DOCK7: variants seen among roughly 807,000 people sequenced by gnomAD.
The protein encoded by DOCK7 is dedicator of cytokinesis protein 7.
Under a neutral mutation model 271.0 loss-of-function variants are expected in DOCK7, and 138 were observed. The observed-to-expected ratio is 0.51, with a 90% CI of 0.44 to 0.59. DOCK7 has a LOEUF of 0.59. Among genes scored for constraint, DOCK7 ranks in the 20% least tolerant of loss-of-function variants. DOCK7 has a pLI of 0.00. For synonymous variants in DOCK7, 823 were observed against 876.1 expected (o/e 0.94, Z 1.07); for missense variants, 2,066 against 2,592.4 (o/e 0.80, Z 4.41).
At chr1:62,561,229 T>C (rs1236531078) in intron 19 of DOCK7, among the ~76,000 whole-genome samples, 2 of 152,260 alleles carry the variant, frequency 1.3e-5, no homozygotes, top group South Asian at 2.1e-4. Context: ...TATCAGAACT[T>C]GGTATATTCC....
At chr1:62,630,771 T>C (rs915893220) in intron 11 of DOCK7, among the ~76,000 whole-genome samples, 1 of 151,852 alleles carries the variant, frequency 6.6e-6, no homozygotes, top group Non-Finnish European at 1.5e-5. Flanking sequence ...GTGACTTATA[T>C]GGTATGTGAA....
chr1:62,620,267 A>G (rs1028015923), intron 12 of DOCK7, among the ~76,000 whole-genome samples: 7 of 151,932 alleles, frequency 4.6e-5, no homozygotes, highest in Non-Finnish European at 1.0e-4. Flanking sequence ...GTGAGCCAAG[A>G]TCACATCACT....
chr1:62,667,414 A>G (rs1659440004), intron 1 of DOCK7, among the ~76,000 whole-genome samples: 1 of 152,230 alleles, frequency 6.6e-6, no homozygotes, highest in Admixed American at 6.5e-5. Context: ...AAAATCCCCA[A>G]AAGAAAAGGA....
In DOCK7 at chr1:62,648,552, A is replaced by G; in HGVS notation, c.390-8T>C. 7.9e-7 allele frequency: 1 copy of G among 1,257,922 alleles called. No individual in the cohort carries two copies. The allele number at this position is 1,257,922 out of a possible 1,614,324, so 77.9% of individuals were successfully genotyped here. Reference sequence around the variant, plus strand: ...GTTCCCAATTTATGATATCTATTAAAGAAAAAAAGTTAAATAAATATCAAC... The same window carrying G: ...GTTCCCAATTTATGATATCTATTAAGGAAAAAAAGTTAAATAAATATCAAC... On this transcript the variant is annotated splice_polypyrimidine_tract_variant and splice_region_variant and intron_variant, in intron 4 of 49. Transcript: ENST00000635253.
intron 33 of DOCK7, 120 bp from the exon 34 acceptor site, chr1:62,510,793 G>T: frequency 1.5e-6 from 1 of 689,300 alleles, no homozygotes; most frequent in Non-Finnish European, 2.3e-6. Context: ...TTTATCCTCA[G>T]TACAAGTTGA....
At chr1:62,552,630 C>T (rs1424294557) in intron 22 of DOCK7, 102 bp downstream of exon 22, 7 of 1,174,800 alleles carry the variant, frequency 6.0e-6, no homozygotes, top group Non-Finnish European at 8.2e-6. Flanking sequence ...TAATTCCTAA[C>T]TTACATACAT....
In DOCK7 at chr1:62,607,560, A is replaced by G. The variant is rs376679412; in HGVS notation, c.1682+11146T>C. Among the ~76,000 whole-genome samples, 4 of 152,276 alleles carry G rather than the reference A, an allele frequency of 2.6e-5. No homozygotes were observed. The East Asian group carries it at 7.7e-4, about 29-fold the overall frequency. ...CGTCCCTCTCCCTGTCAATCTTCCG[A>G]AAAGGAATTTGTAATGGCTGCATAC... On this transcript the variant is annotated intron_variant, in intron 14 of 49. Transcript: ENST00000635253.
chr1:62,651,044 C>A (rs1657282485), intron 4 of DOCK7, among the ~76,000 whole-genome samples: 1 of 151,894 alleles, frequency 6.6e-6, no homozygotes. Context: ...TGGAACCAAC[C>A]CAAATGTCCA....
chr1:62,583,160 G>A, intron 16 of DOCK7, 24 bp downstream of exon 16: 1 of 1,586,174 alleles, frequency 6.3e-7, no homozygotes, highest in Middle Eastern at 1.7e-4. Flanking sequence ...GAGTAACTTT[G>A]AAAGAAATAT....
intron 14 of DOCK7, among the ~76,000 whole-genome samples, chr1:62,594,704 CAATA>C (rs2149518456): frequency 6.6e-6 from 1 of 152,156 alleles, no homozygotes; most frequent in South Asian, 2.1e-4. Flanking sequence ...TTCTCTTATT[CAATA>C]AATATTGTTT....
At chr1:62,494,686 A>G in intron 39 of DOCK7, 1 of 379,260 alleles carries the variant, frequency 2.6e-6, no homozygotes, top group Admixed American at 4.5e-5. Flanking sequence ...GAGGGGCAAA[A>G]AAGAAATACG....
intron 7 of DOCK7, among the ~76,000 whole-genome samples, chr1:62,644,867 T>C (rs889496742): frequency 1.3e-5 from 2 of 152,178 alleles, no homozygotes; most frequent in African/African-American, 2.4e-5. Context: ...ATTATTACTT[T>C]AGAATTTTTA....
intron 7 of DOCK7, among the ~76,000 whole-genome samples, chr1:62,643,047 T>C (rs1656229619): frequency 6.6e-6 from 1 of 152,178 alleles, no homozygotes; most frequent in African/African-American, 2.4e-5. Flanking sequence ...CTCTCCTTTT[T>C]CTGAAAACCC....
intron 2 of DOCK7, among the ~76,000 whole-genome samples, chr1:62,662,468 T>C (rs1658770807): frequency 6.6e-6 from 1 of 152,102 alleles, no homozygotes; most frequent in Non-Finnish European, 1.5e-5. Flanking sequence ...CCTTCAGTCT[T>C]TAAAAGTTCT....
At chr1:62,490,825 T>TA (rs557717624) in intron 41 of DOCK7, among the ~76,000 whole-genome samples, 60 of 152,250 alleles carry the variant, frequency 3.9e-4, no homozygotes, top group African/African-American at 1.4e-3. Context: ...CCTGCTAGCT[T>TA]AGACAAGTGT....
At chr1:62,586,457 C>T in intron 15 of DOCK7, 50 bp downstream of exon 15, 1 of 1,384,484 alleles carries the variant, frequency 7.2e-7, no homozygotes, top group Non-Finnish European at 9.9e-7. Flanking sequence ...AGAAAAAAGT[C>T]TATTTGAACT....
At chr1:62,592,888 A>C (rs1028575178) in intron 14 of DOCK7, among the ~76,000 whole-genome samples, 4 of 152,206 alleles carry the variant, frequency 2.6e-5, no homozygotes, top group Non-Finnish European at 5.9e-5. Context: ...ACATCTATGA[A>C]TGTATATGAA....
intron 1 of DOCK7, among the ~76,000 whole-genome samples, chr1:62,672,659 A>T (rs1326473935): frequency 5.3e-5 from 8 of 152,176 alleles, no homozygotes; most frequent in African/African-American, 1.9e-4. Flanking sequence ...TGAATCAAGA[A>T]TTATGGGTGA....
intron 1 of DOCK7, among the ~76,000 whole-genome samples, chr1:62,666,415 TC>T (rs935775314): frequency 5.9e-5 from 9 of 151,918 alleles, no homozygotes; most frequent in African/African-American, 1.2e-4. Context: ...GACATTAATT[TC>T]CCCCCAAAAA....
Sources: allele counts gnomAD v4.1 joint callset (sites outside exome capture counted in the v4.1 genomes callset), GRCh38; gene constraint gnomAD v4.1.1; transcripts MANE v1.5; gene names NCBI Gene and HGNC (gene_info 2026-07-23, HGNC 2026-07-21).